BCAS4: variants seen among roughly 807,000 people sequenced by gnomAD.
BCAS4 encodes the protein breast carcinoma amplified sequence 4.
A neutral mutation model predicts 15.7 loss-of-function variants in BCAS4; 9 were observed. That is an observed-to-expected ratio of 0.57 (90% CI 0.34 to 1.00). BCAS4 has a LOEUF of 1.00. BCAS4 is among the 50% of genes least tolerant of loss of function. BCAS4 has a pLI of 0.02. For synonymous variants in BCAS4, 101 were observed against 99.5 expected (o/e 1.02, Z -0.09); for missense variants, 225 against 239.1 (o/e 0.94, Z 0.39).
chr20:50,848,241 G>A (rs955830978), intron 4 of BCAS4, among the ~76,000 whole-genome samples: 2 of 152,154 alleles, frequency 1.3e-5, no homozygotes, highest in African/African-American at 2.4e-5. Context: ...GGGTGACAGA[G>A]TGAGACCCTG....
At chr20:50,854,766 C>T (rs1379880256) in intron 4 of BCAS4, among the ~76,000 whole-genome samples, 1 of 152,334 alleles carries the variant, frequency 6.6e-6, no homozygotes, top group Non-Finnish European at 1.5e-5. Context: ...CAAACCCCCC[C>T]CACCATGCGG....
At position 50,795,164 on chromosome 20, in the gene BCAS4, T is replaced by G; in HGVS notation, c.81T>G (p.Pro27=). ...TCGCGCTCTTCCTGACCCCCGAGCCTGGGGCCGAGGTAGGGGACGGGGCTG... is the reference window on the plus strand; with the variant it reads ...TCGCGCTCTTCCTGACCCCCGAGCCGGGGGCCGAGGTAGGGGACGGGGCTG... ...RELALFLTPE[P]GAEAKEVEET... The change falls in exon 1 of 5, where the codon CCT becomes CCG. Residue 27 remains proline (P), a synonymous_variant. Coordinates refer to ENST00000371608, the MANE Select transcript of BCAS4 (RefSeq NM_198799.4). 7.0e-7 allele frequency: 1 copy of G among 1,424,832 alleles called. No individual in the cohort carries two copies. Among genetic ancestry groups the G allele is most frequent in the East Asian group, 3.1e-5 (1 of 32,462 alleles). The allele number at this position is 1,424,832 out of a possible 1,614,324, so 88.3% of individuals were successfully genotyped here.
At chr20:50,832,498 T>C (rs142867387) in intron 3 of BCAS4, among the ~76,000 whole-genome samples, 346 of 152,252 alleles carry the variant, frequency 2.3e-3, no homozygotes, top group African/African-American at 8.1e-3. Context: ...CCTCAAGAGA[T>C]CTGCCCGCCT....
chr20:50,816,436 T>C (rs925512829), intron 1 of BCAS4, among the ~76,000 whole-genome samples: 2 of 152,258 alleles, frequency 1.3e-5, no homozygotes, highest in African/African-American at 4.8e-5. Context: ...TAAAGGGTTT[T>C]TTAAATGTGT....
At chr20:50,829,625 T>C (rs2088319434) in intron 2 of BCAS4, among the ~76,000 whole-genome samples, 2 of 152,052 alleles carry the variant, frequency 1.3e-5, no homozygotes. Flanking sequence ...AATCTCTCGT[T>C]CTCTCTCACA....
rs1283370605 is a variant in BCAS4, at chr20:50,864,437, TGA to T, written c.400-12048_400-12047del. Among the ~76,000 whole-genome samples, 302 of 131,780 alleles carry T rather than the reference TGA, an allele frequency of 2.3e-3. 1 individual carries two copies. The highest frequency in any genetic ancestry group is 5.8e-3 in the South Asian group (26 of 4,448). The allele number at this position is 131,780 out of a possible 152,430, so 86.5% of individuals were successfully genotyped here. A position where few individuals can be genotyped will look rare whatever the true frequency, so the allele number is the denominator to read the frequency against. ...TATTGTCCTTACTATTGATCATGATTGATTTTTTTTTTTTTTTTTTTGACAGA... is the reference window on the plus strand; with the variant it reads ...TATTGTCCTTACTATTGATCATGATTTTTTTTTTTTTTTTTTTTTGACAGA... On this transcript the variant is annotated intron_variant, in intron 4 of 4. Transcript: ENST00000371608.
intron 4 of BCAS4, among the ~76,000 whole-genome samples, chr20:50,862,522 G>A (rs1383005199): frequency 6.6e-6 from 1 of 152,148 alleles, no homozygotes; most frequent in African/African-American, 2.4e-5. Context: ...TGCTGCCGGG[G>A]AGAAGGACGG....
intron 4 of BCAS4, among the ~76,000 whole-genome samples, chr20:50,848,706 C>T (rs1279687308): frequency 2.0e-5 from 3 of 152,248 alleles, no homozygotes; most frequent in African/African-American, 7.2e-5. Flanking sequence ...GACTTGAACA[C>T]CAGAGCTGAG....
At chr20:50,836,453 C>A (rs6013026) in intron 3 of BCAS4, among the ~76,000 whole-genome samples, 9,312 of 152,214 alleles carry the variant, frequency 0.061, 350 homozygotes, top group African/African-American at 0.1. Flanking sequence ...AAATGAGACC[C>A]GCACCTGCCA....
At chr20:50,808,382 T>C (rs1449413151) in intron 1 of BCAS4, among the ~76,000 whole-genome samples, 1 of 152,208 alleles carries the variant, frequency 6.6e-6, no homozygotes, top group Non-Finnish European at 1.5e-5. Flanking sequence ...AGATCTACTT[T>C]TAGTTCTTTA....
chr20:50,842,305 G>A (rs571816222), intron 4 of BCAS4, among the ~76,000 whole-genome samples: 3 of 152,202 alleles, frequency 2.0e-5, no homozygotes, highest in African/African-American at 4.8e-5. Context: ...GGGGACGGGC[G>A]TCCCTCCTGC....
chr20:50,796,292 C>T (rs1374419311), intron 1 of BCAS4, among the ~76,000 whole-genome samples: 1 of 145,834 alleles, frequency 6.9e-6, no homozygotes. Flanking sequence ...TCGCTTGAAC[C>T]TGGGAGGCGG....
intron 4 of BCAS4, among the ~76,000 whole-genome samples, chr20:50,864,439 ATTT>A (rs397866091): frequency 1.1e-4 from 11 of 97,864 alleles, no homozygotes; most frequent in Admixed American, 9.8e-5. Context: ...ATCATGATTG[ATTT>A]TTTTTTTTTT....
intron 1 of BCAS4, among the ~76,000 whole-genome samples, chr20:50,803,821 G>T (rs1408942743): frequency 1.5e-5 from 2 of 132,272 alleles, no homozygotes; most frequent in South Asian, 5.0e-4. Context: ...AAAAAAAAAA[G>T]AGAGAGAAAA....
intron 4 of BCAS4, among the ~76,000 whole-genome samples, chr20:50,871,781 G>A (rs1979658646): frequency 6.6e-6 from 1 of 152,178 alleles, no homozygotes; most frequent in South Asian, 2.1e-4. Flanking sequence ...CCTCTGGGGA[G>A]AGCATCCCTG....
intron 3 of BCAS4, among the ~76,000 whole-genome samples, chr20:50,839,882 A>G (rs2123803921): frequency 6.6e-6 from 1 of 152,258 alleles, no homozygotes; most frequent in East Asian, 1.9e-4. Context: ...TAACTTGCCA[A>G]AAGGCACACA....
chr20:50,848,629 G>C (rs2088575746), intron 4 of BCAS4, among the ~76,000 whole-genome samples: 1 of 152,206 alleles, frequency 6.6e-6, no homozygotes. Flanking sequence ...TGCTTCACTT[G>C]GCAAGAAACC....
chr20:50,806,149 G>A (rs558395904), intron 1 of BCAS4, among the ~76,000 whole-genome samples: 1 of 152,298 alleles, frequency 6.6e-6, no homozygotes, highest in South Asian at 2.1e-4. Context: ...GTGACCCAGA[G>A]AAGCGACTTA....
intron 4 of BCAS4, among the ~76,000 whole-genome samples, chr20:50,861,808 TTTTTCTTTCTTTCTTTC>T (rs1450220998): frequency 6.6e-6 from 1 of 151,614 alleles, no homozygotes; most frequent in East Asian, 1.9e-4. Context: ...TTTTCTTTTC[TTTTTCTTTCTTTCTTTC>T]TTTTCTTTCT....
Sources: allele counts gnomAD v4.1 joint callset (sites outside exome capture counted in the v4.1 genomes callset), GRCh38; gene constraint gnomAD v4.1.1; transcripts MANE v1.5; gene names NCBI Gene and HGNC (gene_info 2026-07-23, HGNC 2026-07-21).